Variants in PRKCE observed in about 807,000 individuals in gnomAD.
The protein encoded by PRKCE is protein kinase C epsilon, also known as protein kinase C epsilon type.
In PRKCE, 16 loss-of-function variants were observed where a neutral mutation model predicts 85.4. That is an observed-to-expected ratio of 0.19 (90% CI 0.13 to 0.28). PRKCE has a LOEUF of 0.28. Ranked by LOEUF, PRKCE falls within the 10% of genes least tolerant of loss-of-function variation. The pLI is 1.00. For synonymous variants in PRKCE, 388 were observed against 371.5 expected, an observed-to-expected ratio of 1.04 and a Z score of -0.51; for missense variants, 573 against 975.2, an observed-to-expected ratio of 0.59 and a Z score of 5.49.
intron 14 of PRKCE, among the ~76,000 whole-genome samples, chr2:46,172,462 GGTGTGGGCCTGGGCAGGCCT>G (rs1446919320): frequency 6.6e-6 from 1 of 151,764 alleles, no homozygotes; most frequent in Non-Finnish European, 1.5e-5. Flanking sequence ...GGAGTGTATA[GGTGTGGGCCTGGGCAGGCCT>G]GGGCGGGCCT....
chr2:45,808,023 G>C (rs538544749), intron 1 of PRKCE, among the ~76,000 whole-genome samples: 39 of 152,010 alleles, frequency 2.6e-4, no homozygotes, highest in South Asian at 8.3e-4. Context: ...CATCCTCCAA[G>C]GCTGCCCACA....
At chr2:45,945,708 G>A (rs1018347922) in intron 2 of PRKCE, among the ~76,000 whole-genome samples, 1 of 152,250 alleles carries the variant, frequency 6.6e-6, no homozygotes, top group East Asian at 1.9e-4. Context: ...CCCTTCCTCA[G>A]AGAAGTTTTA....
At chr2:46,090,987 G>T (rs998376944) in intron 11 of PRKCE, among the ~76,000 whole-genome samples, 5 of 152,310 alleles carry the variant, frequency 3.3e-5, no homozygotes, top group African/African-American at 2.4e-5. Flanking sequence ...CAGCTAATTG[G>T]TTCATGTCCA....
intron 1 of PRKCE, among the ~76,000 whole-genome samples, chr2:45,747,691 C>A (rs1359886131): frequency 1.3e-5 from 2 of 152,192 alleles, no homozygotes; most frequent in African/African-American, 4.8e-5. Flanking sequence ...CTCTTTGAGA[C>A]CCTGCTTCAG....
In PRKCE at chr2:46,138,778, T is replaced by G. The variant is rs1242557387; in HGVS notation, c.1593-6315T>G. 6.6e-6 allele frequency among the ~76,000 whole-genome samples: 1 copy of G among 152,164 alleles called. No individual in the cohort carries two copies. Among genetic ancestry groups the G allele is most frequent in the African/African-American group, 2.4e-5 (1 of 41,424 alleles). ...ATGCATAACATCTCATAGCATCTAATGCGTAGAGACCAGGGTGCTAGTAAA... is the reference window on the plus strand; with the variant it reads ...ATGCATAACATCTCATAGCATCTAAGGCGTAGAGACCAGGGTGCTAGTAAA... On this transcript the variant is annotated intron_variant, in intron 11 of 14. Coordinates refer to ENST00000306156, the MANE Select transcript of PRKCE (RefSeq NM_005400.3). This position sits in a 1 kb window ranked among gnomAD's most constrained non-coding sequence, Gnocchi z 4.2.
chr2:45,737,486 C>T (rs934690007), intron 1 of PRKCE, among the ~76,000 whole-genome samples: 12 of 152,292 alleles, frequency 7.9e-5, no homozygotes, highest in South Asian at 2.1e-4. Flanking sequence ...GCGGGAGACC[C>T]GGAGTGGGGC....
intron 10 of PRKCE, among the ~76,000 whole-genome samples, chr2:46,044,931 A>G (rs922601908): frequency 2.0e-5 from 3 of 152,174 alleles, no homozygotes; most frequent in Admixed American, 1.3e-4. Flanking sequence ...ACATGTTTGT[A>G]TCTTCTTATT....
At chr2:45,812,453 G>A (rs1410689975) in intron 1 of PRKCE, among the ~76,000 whole-genome samples, 1 of 152,192 alleles carries the variant, frequency 6.6e-6, no homozygotes, top group Admixed American at 6.5e-5. Context: ...TCCCATAGAA[G>A]GCAGCAGAAT....
intron 2 of PRKCE, among the ~76,000 whole-genome samples, chr2:45,944,013 ATGG>A (rs1700064894): frequency 6.6e-6 from 1 of 152,226 alleles, no homozygotes; most frequent in African/African-American, 2.4e-5. Context: ...AGGCAGATAG[ATGG>A]TGGGGGCGAT....
chr2:45,795,117 G>T (rs2105127244), intron 1 of PRKCE, among the ~76,000 whole-genome samples: 1 of 152,240 alleles, frequency 6.6e-6, no homozygotes, highest in South Asian at 2.1e-4. Flanking sequence ...GGTTTCCAGA[G>T]ACTGCAGCAT....
chr2:45,937,687 C>G (rs1699568056), intron 2 of PRKCE, among the ~76,000 whole-genome samples: 1 of 151,958 alleles, frequency 6.6e-6, no homozygotes, highest in Non-Finnish European at 1.5e-5. Flanking sequence ...TGCACTCCAG[C>G]CTGGGTGACA....
At chr2:45,655,935 A>T (rs904993606) in intron 1 of PRKCE, among the ~76,000 whole-genome samples, 1 of 151,700 alleles carries the variant, frequency 6.6e-6, no homozygotes, top group Non-Finnish European at 1.5e-5. Flanking sequence ...AGTGTGAAAC[A>T]GTAGGTTATA....
intron 10 of PRKCE, among the ~76,000 whole-genome samples, chr2:46,040,198 T>A (rs940037414): frequency 6.6e-6 from 1 of 152,182 alleles, no homozygotes; most frequent in African/African-American, 2.4e-5. Flanking sequence ...GGATGTTAAC[T>A]AAATTGAACT....
chr2:45,841,760 C>T (rs1012447886), intron 1 of PRKCE, among the ~76,000 whole-genome samples: 5 of 152,242 alleles, frequency 3.3e-5, no homozygotes, highest in African/African-American at 1.2e-4. Context: ...CTAATTAATT[C>T]TGACTGGGCA....
chr2:46,144,879 A>G (rs1315563687), intron 11 of PRKCE, among the ~76,000 whole-genome samples: 1 of 152,178 alleles, frequency 6.6e-6, no homozygotes, highest in Non-Finnish European at 1.5e-5. Context: ...GGGTTACAGA[A>G]GTTCCTCCCT....
At chr2:46,028,461 A>T (rs1485439036) in intron 10 of PRKCE, among the ~76,000 whole-genome samples, 1 of 152,226 alleles carries the variant, frequency 6.6e-6, no homozygotes. Context: ...AAGTGATGTT[A>T]TAAATTGAAC....
chr2:45,822,165 A>G (rs968370145), intron 1 of PRKCE, among the ~76,000 whole-genome samples: 3 of 152,168 alleles, frequency 2.0e-5, no homozygotes, highest in Non-Finnish European at 2.9e-5. Context: ...CAGTTTTTGT[A>G]GATATCAAAT....
intron 1 of PRKCE, among the ~76,000 whole-genome samples, chr2:45,656,327 G>A (rs1391679317): frequency 6.6e-6 from 1 of 152,114 alleles, no homozygotes; most frequent in African/African-American, 2.4e-5. Flanking sequence ...TAGTGATGTG[G>A]GGCCCACACT....
At chr2:46,157,658 A>G (rs1243007917) in intron 13 of PRKCE, among the ~76,000 whole-genome samples, 1 of 152,216 alleles carries the variant, frequency 6.6e-6, no homozygotes, top group Non-Finnish European at 1.5e-5. Flanking sequence ...TGAGAAGAGC[A>G]TCTTCCAACT....
Sources: allele counts gnomAD v4.1 joint callset (sites outside exome capture counted in the v4.1 genomes callset), GRCh38; gene constraint gnomAD v4.1.1; non-coding constraint Gnocchi (gnomAD v3.1); transcripts MANE v1.5; gene names NCBI Gene and HGNC (gene_info 2026-07-23, HGNC 2026-07-21).